POLA1: variants seen among roughly 807,000 people sequenced by gnomAD.
POLA1 encodes the protein DNA polymerase alpha 1, catalytic subunit, also known as DNA polymerase alpha catalytic subunit.
In POLA1, 15 loss-of-function variants were observed where a neutral mutation model predicts 124.0. The ratio of observed to expected loss-of-function variants is 0.12; its 90% CI spans 0.08 to 0.19. POLA1 has a LOEUF of 0.19. Among genes scored for constraint, POLA1 ranks in the 10% least tolerant of loss-of-function variants. The pLI, the probability that POLA1 is intolerant of heterozygous loss-of-function variation, is 1.00. For synonymous variants in POLA1, 408 were observed against 389.4 expected, an observed-to-expected ratio of 1.05 and a Z score of -0.56; for missense variants, 886 against 1,103.4, an observed-to-expected ratio of 0.80 and a Z score of 2.79.
At chrX:24,945,272 C>A (rs1344546378) in intron 36 of POLA1, among the ~76,000 whole-genome samples, 1 of 112,593 alleles carries the variant, frequency 8.9e-6, no homozygotes, top group African/African-American at 3.2e-5. Context: ...AATACTTTGT[C>A]TAAACGACTA....
chrX:24,783,966 G>A (rs1205808397), intron 26 of POLA1, among the ~76,000 whole-genome samples: 1 of 110,912 alleles, frequency 9.0e-6, no homozygotes, highest in Non-Finnish European at 1.9e-5. Flanking sequence ...ATTGGAAAGC[G>A]TTGTTCTAGA....
chrX:24,774,199 C>G (rs2045093267), intron 26 of POLA1, among the ~76,000 whole-genome samples: 1 of 108,030 alleles, frequency 9.3e-6, no homozygotes, highest in African/African-American at 3.6e-5. Context: ...TAATCCTTGC[C>G]CACTCTGCCC....
intron 36 of POLA1, among the ~76,000 whole-genome samples, chrX:24,987,992 C>T (rs1356138893): frequency 9.0e-6 from 1 of 111,369 alleles, no homozygotes; most frequent in Non-Finnish European, 1.9e-5. Context: ...TCCCTAACAC[C>T]ACAGCATAGG....
In POLA1 at chrX:24,904,438, T is replaced by G. The variant is rs189925250; in HGVS notation, c.4164+16316T>G. Among the ~76,000 whole-genome samples the G allele has an allele frequency of 3.2e-3, 349 of 109,044 alleles. 2 individuals are homozygous for G. The highest frequency in any genetic ancestry group is 9.8e-3 in the African/African-American group (294 of 29,933). 94.7% of individuals were successfully genotyped at this position (109,044 alleles called of 115,157 possible). ...TGGCTTTCTTTTGTTTTTTTTTTTT[T>G]TCTTCATGCCCTCATGCATCAGTCT... On this transcript the variant is annotated intron_variant, in intron 35 of 36. Coordinates refer to ENST00000379068, the MANE Select transcript of POLA1 (RefSeq NM_001330360.2).
intron 36 of POLA1, 125 bp from the exon 37 acceptor site, chrX:24,995,680 A>G: frequency 1.7e-6 from 1 of 599,218 alleles, no homozygotes; most frequent in Non-Finnish European, 2.6e-6. Context: ...GACTGGCCCC[A>G]GGGGTAGACC....
At chrX:24,760,325 G>T (rs1414520464) in intron 26 of POLA1, among the ~76,000 whole-genome samples, 1 of 111,199 alleles carries the variant, frequency 9.0e-6, no homozygotes, top group African/African-American at 3.3e-5. Context: ...TTCCTCATCT[G>T]CCCAGGTATA....
chrX:24,914,969 G>A (rs947810499), intron 35 of POLA1, among the ~76,000 whole-genome samples: 3 of 112,353 alleles, frequency 2.7e-5, no homozygotes, highest in Non-Finnish European at 3.8e-5. Context: ...AATTGAAAAT[G>A]TAAATTAGTT....
chrX:24,739,256 T>C, intron 19 of POLA1, 119 bp from the exon 20 acceptor site: 1 of 494,263 alleles, frequency 2.0e-6, no homozygotes, highest in Non-Finnish European at 3.5e-6. Context: ...AATATTTGAT[T>C]GATGTATGGA....
At chrX:24,810,001 A>G (rs113444810) in intron 27 of POLA1, 71 bp downstream of exon 27, 2 of 646,275 alleles carry the variant, frequency 3.1e-6, no homozygotes. Context: ...TTCAAGGAAA[A>G]TTGTAACCCA....
At chrX:24,742,273 T>G in intron 22 of POLA1, 152 bp downstream of exon 22, 1 of 485,504 alleles carries the variant, frequency 2.1e-6, no homozygotes, top group Non-Finnish European at 3.3e-6. Flanking sequence ...ATTCCCTTGT[T>G]TTTGTGTGGT....
chrX:24,919,530 T>A (rs2047580892), intron 35 of POLA1, among the ~76,000 whole-genome samples: 1 of 112,025 alleles, frequency 8.9e-6, no homozygotes. Flanking sequence ...AGCCTCTTGA[T>A]GTTCTGTTAG....
intron 35 of POLA1, among the ~76,000 whole-genome samples, chrX:24,900,101 G>C (rs1217819002): frequency 1.8e-5 from 2 of 111,116 alleles, no homozygotes; most frequent in African/African-American, 6.5e-5. Flanking sequence ...TTTGTCTTTG[G>C]GTAGGAATAT....
At chrX:24,864,568 A>G (rs2046765516) in intron 34 of POLA1, among the ~76,000 whole-genome samples, 1 of 111,645 alleles carries the variant, frequency 9.0e-6, no homozygotes, top group South Asian at 3.7e-4. Context: ...ACACTGTCAA[A>G]TTATCATTCC....
intron 32 of POLA1, among the ~76,000 whole-genome samples, chrX:24,832,393 C>CT (rs1307246273): frequency 8.9e-6 from 1 of 111,864 alleles, no homozygotes; most frequent in Non-Finnish European, 1.9e-5. Flanking sequence ...TTCTGTGTCG[C>CT]TAGCCCACAA....
intron 4 of POLA1, among the ~76,000 whole-genome samples, chrX:24,710,776 C>T (rs1269143929): frequency 9.5e-6 from 1 of 105,305 alleles, no homozygotes; most frequent in African/African-American, 3.5e-5. Flanking sequence ...AAGTGATTCT[C>T]CTGCCTCAGC....
intron 30 of POLA1, among the ~76,000 whole-genome samples, chrX:24,819,574 G>T (rs1383768439): frequency 2.7e-5 from 3 of 111,942 alleles, no homozygotes; most frequent in African/African-American, 9.7e-5. Context: ...GATGTGCCTT[G>T]TGTGTACTTT....
intron 30 of POLA1, among the ~76,000 whole-genome samples, chrX:24,819,651 A>G (rs1421315064): frequency 9.1e-6 from 1 of 109,417 alleles, no homozygotes; most frequent in African/African-American, 3.3e-5. Flanking sequence ...GTTTTGTTTT[A>G]TTTTACTTTA....
chrX:24,827,203 T>C lies in POLA1; in HGVS notation c.3736+602T>C, dbSNP rs566452613. On this transcript the variant is annotated intron_variant, in intron 32 of 36. Coordinates refer to ENST00000379068, the MANE Select transcript of POLA1 (RefSeq NM_001330360.2). Reference sequence around the variant, plus strand: ...CCTCAGTATTACTTTGGCTTTTTGCTATGTCACCAGATTGTCTCCGTTGCT... The same window carrying C: ...CCTCAGTATTACTTTGGCTTTTTGCCATGTCACCAGATTGTCTCCGTTGCT... Among the ~76,000 whole-genome samples the C allele has an allele frequency of 2.6e-4, 29 of 112,381 alleles. No individual in the cohort carries two copies. The South Asian group carries it at 0.011, about 42-fold the overall frequency.
chrX:24,902,637 C>A (rs2047298119), intron 35 of POLA1, among the ~76,000 whole-genome samples: 1 of 111,654 alleles, frequency 9.0e-6, no homozygotes. Context: ...TATCCTTATG[C>A]CTTGTCCTTC....
Sources: gnomAD v4.1 joint callset for allele counts (sites outside exome capture counted in the v4.1 genomes callset) on GRCh38, gnomAD v4.1.1 for gene constraint, MANE v1.5 for transcripts, NCBI Gene and HGNC (gene_info 2026-07-23, HGNC 2026-07-21) for gene names.